MTNR1A: variants seen among roughly 807,000 people sequenced by gnomAD.
The protein encoded by MTNR1A is melatonin receptor 1A.
In MTNR1A, 7 loss-of-function variants were observed where a neutral mutation model predicts 5.5. That is an observed-to-expected ratio of 1.28 (90% CI 0.73 to 2.40). The LOEUF is 2.40. Ranked by LOEUF, MTNR1A falls within the 30% of genes most tolerant of loss-of-function variation. The pLI, the probability that MTNR1A is intolerant of heterozygous loss-of-function variation, is 0.00. For missense variants in MTNR1A, 441 were observed against 464.4 expected (o/e 0.95, Z 0.46); for synonymous variants, 196 against 202.7 (o/e 0.97, Z 0.28).
intron 1 of MTNR1A, among the ~76,000 whole-genome samples, chr4:186,543,849 G>GT (rs112077654): frequency 0.015 from 2,313 of 152,268 alleles, 46 homozygotes; most frequent in African/African-American, 0.053. Context: ...TAGAACCCAA[G>GT]TTGTCAAGGG....
At chr4:186,538,699 C>G (rs2111371258) in intron 1 of MTNR1A, among the ~76,000 whole-genome samples, 1 of 152,334 alleles carries the variant, frequency 6.6e-6, no homozygotes, top group Non-Finnish European at 1.5e-5. Context: ...TCAGCTCACA[C>G]AACTGCTCTA....
intron 1 of MTNR1A, among the ~76,000 whole-genome samples, chr4:186,551,696 A>C (rs937018114): frequency 2.0e-5 from 3 of 152,090 alleles, no homozygotes; most frequent in Non-Finnish European, 4.4e-5. Flanking sequence ...GAAAAGTGGC[A>C]TCTTAAACAG....
At chr4:186,548,843 A>ATATATATATATATT (rs1737211026) in intron 1 of MTNR1A, among the ~76,000 whole-genome samples, 1 of 53,354 alleles carries the variant, frequency 1.9e-5, no homozygotes, top group Admixed American at 1.9e-4. Flanking sequence ...ATATATATAT[A>ATATATATATATATT]TATACACTAT....
chr4:186,542,677 C>T (rs1473120801), intron 1 of MTNR1A, among the ~76,000 whole-genome samples: 1 of 152,186 alleles, frequency 6.6e-6, no homozygotes, highest in East Asian at 1.9e-4. Flanking sequence ...AAAATGGCAG[C>T]TCATCCTCTC....
At chr4:186,550,872 T>C (rs1265144847) in intron 1 of MTNR1A, among the ~76,000 whole-genome samples, 1 of 152,208 alleles carries the variant, frequency 6.6e-6, no homozygotes, top group African/African-American at 2.4e-5. Flanking sequence ...CTTTGACATA[T>C]TTGTAAAAAC....
chr4:186,545,436 G>A (rs1435448420), intron 1 of MTNR1A, among the ~76,000 whole-genome samples: 1 of 152,170 alleles, frequency 6.6e-6, no homozygotes, highest in Non-Finnish European at 1.5e-5. Flanking sequence ...GGTCCTCACT[G>A]TGGACATGAA....
intron 1 of MTNR1A, among the ~76,000 whole-genome samples, chr4:186,541,313 T>G (rs1310893091): frequency 2.0e-5 from 3 of 152,186 alleles, no homozygotes; most frequent in East Asian, 3.9e-4. Flanking sequence ...TTGTTCATTT[T>G]TCCTGGAAGG....
rs577282368 is a variant in MTNR1A at position 186,540,063 on chromosome 4, C to T, written c.185-5506G>A. Among the ~76,000 whole-genome samples the T allele has an allele frequency of 5.3e-5, 8 of 152,320 alleles. No homozygotes were observed. The South Asian group carries it at 6.2e-4, about 12-fold the overall frequency. On this transcript the variant is annotated intron_variant, in intron 1 of 1. Coordinates refer to ENST00000307161, the MANE Select transcript of MTNR1A (RefSeq NM_005958.4). Reference sequence around the variant, plus strand: ...GCAAAGAAGAGCAAGTCACATCTTACGTGGATGGCAGCAGGCAAAGAGAGA... The same window carrying T: ...GCAAAGAAGAGCAAGTCACATCTTATGTGGATGGCAGCAGGCAAAGAGAGA...
chr4:186,550,430 C>T (rs1737246183), intron 1 of MTNR1A, among the ~76,000 whole-genome samples: 1 of 152,154 alleles, frequency 6.6e-6, no homozygotes, highest in South Asian at 2.1e-4. Context: ...GCTTAAGGCA[C>T]CTTGTAAAGA....
At chr4:186,542,457 C>G (rs971262185) in intron 1 of MTNR1A, among the ~76,000 whole-genome samples, 3 of 152,170 alleles carry the variant, frequency 2.0e-5, no homozygotes, top group African/African-American at 7.2e-5. Flanking sequence ...GGGCCATGTC[C>G]TGGGAATTCA....
rs140782531 is a variant in MTNR1A, at chr4:186,535,762, C to T, written c.185-1205G>A. 9.1e-3 allele frequency among the ~76,000 whole-genome samples: 1,385 copies of T among 152,098 alleles called. 16 individuals are homozygous for T. Among genetic ancestry groups the T allele is most frequent in the African/African-American group, 0.028 (1,170 of 41,514 alleles). ...CTGCAAATATGTTTTTTTTCTTTTG[C>T]GGCTCTTCTGCCTCTGTTTCTTACT... is the stretch of plus-strand genomic sequence containing the variant. On this transcript the variant is annotated intron_variant, in intron 1 of 1. Transcript: ENST00000307161.
At chr4:186,548,419 TAC>T (rs1260555972) in intron 1 of MTNR1A, among the ~76,000 whole-genome samples, 2 of 152,158 alleles carry the variant, frequency 1.3e-5, no homozygotes, top group African/African-American at 4.8e-5. Flanking sequence ...TTTATGTACT[TAC>T]AGAGTATTTA....
At chr4:186,547,500 G>C (rs73024711) in intron 1 of MTNR1A, among the ~76,000 whole-genome samples, 2,306 of 151,930 alleles carry the variant, frequency 0.015, 61 homozygotes, top group African/African-American at 0.053. Flanking sequence ...ACACACCGTC[G>C]TCCCACACCT....
chr4:186,547,496 C>T (rs572335153), intron 1 of MTNR1A, among the ~76,000 whole-genome samples: 12 of 152,262 alleles, frequency 7.9e-5, no homozygotes, highest in African/African-American at 2.6e-4. Context: ...TGGGACACAC[C>T]GTCGTCCCAC....
Position 186,548,750 on chromosome 4 carries a change from A to C in MTNR1A, c.184+6432T>G, listed in dbSNP as rs112420886. ...CATGTGTTTCAGAGGGACACATCCC[A>C]AAAAAAATGACCTATAATAGCACTA... On this transcript the variant is annotated intron_variant, in intron 1 of 1. Coordinates refer to ENST00000307161, the MANE Select transcript of MTNR1A (RefSeq NM_005958.4). 3.5e-3 allele frequency among the ~76,000 whole-genome samples: 518 copies of C among 148,328 alleles called. 5 individuals are homozygous for C. The highest frequency in any genetic ancestry group is 0.011 in the African/African-American group (462 of 40,518).
In MTNR1A at chr4:186,533,958, C is replaced by G. The variant is rs1308582997; in HGVS notation, c.784G>C (p.Ala262Pro). Residue 262 changes from alanine (A) to proline (P), a missense_variant, in exon 2 of 2, where the codon GCC becomes CCC. Transcript: ENST00000307161. The stretch of plus-strand genomic sequence containing the variant: ...GGCACCATGCTGGCGGGGTCAGAGG[C>G]CACGGCCAGGCCAATGAAGTTCAGA... The part of the protein sequence containing the change: ...APLNFIGLAV[A>P]SDPASMVPRI... 6.2e-7 allele frequency: 1 copy of G among 1,614,026 alleles called. No homozygotes were observed.
chr4:186,554,230 G>C (rs1345112176), intron 1 of MTNR1A, among the ~76,000 whole-genome samples: 2 of 152,016 alleles, frequency 1.3e-5, no homozygotes, highest in African/African-American at 2.4e-5. Context: ...AGCACTACTG[G>C]GGGCGGGTGG....
rs140893703 is a variant in MTNR1A at position 186,550,962 on chromosome 4, G to A, written c.184+4220C>T. Among the ~76,000 whole-genome samples, 648 of 152,290 alleles carry A rather than the reference G, an allele frequency of 4.3e-3. 8 individuals carry two copies. The highest frequency in any genetic ancestry group is 0.015 in the African/African-American group (623 of 41,572). ...GAACAACAGCTAAGAATACAAGGGGGAAAAATCAATAAAATGTCTCTAAAG... is the reference window on the plus strand; with the variant it reads ...GAACAACAGCTAAGAATACAAGGGGAAAAAATCAATAAAATGTCTCTAAAG... On this transcript the variant is annotated intron_variant, in intron 1 of 1. Coordinates refer to ENST00000307161, the MANE Select transcript of MTNR1A (RefSeq NM_005958.4).
chr4:186,535,323 C>A (rs1736821312), intron 1 of MTNR1A, among the ~76,000 whole-genome samples: 1 of 151,708 alleles, frequency 6.6e-6, no homozygotes, highest in South Asian at 2.1e-4. Context: ...ACTTACGTTA[C>A]AAAACTTAAA....
Sources: gnomAD v4.1 joint callset for allele counts (sites outside exome capture counted in the v4.1 genomes callset) on GRCh38, gnomAD v4.1.1 for gene constraint, MANE v1.5 for transcripts, NCBI Gene and HGNC (gene_info 2026-07-23, HGNC 2026-07-21) for gene names.